The following ENTPD4 variants were observed in gnomAD, a reference collection of about 807,000 sequenced individuals.
The protein encoded by ENTPD4 is Golgi UDPase.
Under a neutral mutation model 79.1 loss-of-function variants are expected in ENTPD4, and 60 were observed. The ratio of observed to expected loss-of-function variants is 0.76; its 90% CI spans 0.62 to 0.94. The LOEUF is 0.94. Ranked by LOEUF, ENTPD4 falls within the 40% of genes least tolerant of loss-of-function variation. The pLI, the probability that ENTPD4 is intolerant of heterozygous loss-of-function variation, is 0.00. For synonymous variants in ENTPD4, 276 were observed against 292.0 expected (o/e 0.95, Z 0.56); for missense variants, 772 against 775.1 (o/e 1.00, Z 0.05).
intron 9 of ENTPD4, among the ~76,000 whole-genome samples, chr8:23,437,574 C>A (rs1006278520): frequency 1.6e-4 from 25 of 152,162 alleles, no homozygotes; most frequent in African/African-American, 5.3e-4. Context: ...AACTGTGTTA[C>A]CAGCCCCATT....
intron 6 of ENTPD4, among the ~76,000 whole-genome samples, chr8:23,442,681 C>CA (rs5890111): frequency 0.3 from 42,210 of 142,470 alleles, 6,191 homozygotes; most frequent in East Asian, 0.45. Context: ...GACTCCATCT[C>CA]AAAAAAAAAA....
Position 23,429,291 on chromosome 8 carries a change from A to G in ENTPD4, c.*3635T>C, listed in dbSNP as rs962510197. On this transcript the variant is annotated 3_prime_UTR_variant, in exon 13 of 13. Transcript: ENST00000358689. Reference sequence around the variant, plus strand: ...GTATTATTCTTACTTTGGATGGAAGACATCGCTTAAACAAAAAACATTTAA... The same window carrying G: ...GTATTATTCTTACTTTGGATGGAAGGCATCGCTTAAACAAAAAACATTTAA... 2.0e-6 allele frequency: 2 copies of G among 985,330 alleles called. No homozygotes were observed. Among genetic ancestry groups the G allele is most frequent in the Admixed American group, 1.2e-4 (2 of 16,274 alleles). The allele number at this position is 985,330 out of a possible 1,614,324, so 61.0% of individuals were successfully genotyped here. A position where few individuals can be genotyped will look rare whatever the true frequency, so the allele number is the denominator to read the frequency against.
intron 1 of ENTPD4, among the ~76,000 whole-genome samples, chr8:23,456,869 A>C (rs1800968090): frequency 6.6e-6 from 1 of 152,180 alleles, no homozygotes; most frequent in South Asian, 2.1e-4. Context: ...CCTCTAGTTT[A>C]CCTTCTAGCC....
chr8:23,449,062 G>C, intron 2 of ENTPD4, 123 bp from the exon 3 acceptor site: 3 of 706,704 alleles, frequency 4.2e-6, no homozygotes, highest in Non-Finnish European at 7.1e-6. Context: ...GTAGGTATCT[G>C]TATACTGGCA....
chr8:23,439,879 A>G lies in ENTPD4; in HGVS notation c.919T>C (p.Leu307=). The part of the protein sequence containing the change: ...VAKNLLAEFN[L]GCDVHQTEHV... ...TCAGTTTGGTGAACATCACATCCCA[A>G]GTTAAATTCAGCTAACAAGTTTTTA... is the stretch of plus-strand genomic sequence containing the variant. Residue 307 remains leucine (L), a synonymous_variant, in exon 9 of 13, where the codon TTG becomes CTG. Transcript: ENST00000358689. 2 of 1,614,148 alleles carry G rather than the reference A, an allele frequency of 1.2e-6. No homozygotes were observed. The highest frequency in any genetic ancestry group is 1.7e-6 in the Non-Finnish European group (2 of 1,179,976).
In ENTPD4 at chr8:23,429,455, ATAAC is replaced by A. The variant is rs1163531160; in HGVS notation, c.*3467_*3470del. The stretch of plus-strand genomic sequence containing the variant: ...CAAAAGAAACAAAACACTGAAATAA[ATAAC>A]TAAGTAATTTACTGAAAGGTAGTTT... On this transcript the variant is annotated 3_prime_UTR_variant, in exon 13 of 13. Coordinates refer to ENST00000358689, the MANE Select transcript of ENTPD4 (RefSeq NM_004901.5). 33 of 985,104 alleles carry A rather than the reference ATAAC, an allele frequency of 3.3e-5. No homozygotes were observed. The highest frequency in any genetic ancestry group is 1.2e-4 in the Admixed American group (2 of 16,276). 61.0% of individuals were successfully genotyped at this position (985,104 alleles called of 1,614,324 possible).
intron 1 of ENTPD4, among the ~76,000 whole-genome samples, chr8:23,450,928 A>T (rs890683119): frequency 4.0e-4 from 61 of 151,982 alleles, no homozygotes; most frequent in African/African-American, 1.5e-3. Flanking sequence ...CCGCAGTCCC[A>T]ATCTTGATCC....
rs1027662274 is a variant in ENTPD4 at position 23,430,432 on chromosome 8, A to G, written c.*2494T>C. The G allele has an allele frequency of 2.0e-6, 2 of 985,334 alleles. No individual in the cohort carries two copies. The highest frequency in any genetic ancestry group is 2.4e-6 in the Non-Finnish European group (2 of 829,944). 61.0% of individuals were successfully genotyped at this position (985,334 alleles called of 1,614,324 possible). ...CCATCTTTTCGTGCCCACAAATGGA[A>G]ACTACATTCCTGATTTAAGAGGATG... is the stretch of plus-strand genomic sequence containing the variant. On this transcript the variant is annotated 3_prime_UTR_variant, in exon 13 of 13. Coordinates refer to ENST00000358689, the MANE Select transcript of ENTPD4 (RefSeq NM_004901.5).
intron 8 of ENTPD4, among the ~76,000 whole-genome samples, chr8:23,440,640 T>C (rs1800652428): frequency 6.6e-6 from 1 of 152,214 alleles, no homozygotes; most frequent in Non-Finnish European, 1.5e-5. Flanking sequence ...AATACTTGAA[T>C]TTACAAAGCA....
At chr8:23,441,961 G>A in intron 7 of ENTPD4, 46 bp downstream of exon 7, 1 of 1,522,298 alleles carries the variant, frequency 6.6e-7, no homozygotes, top group Non-Finnish European at 9.1e-7. Context: ...AAACAGAAAA[G>A]CACCAATTTC....
At chr8:23,438,986 T>G (rs1800620750) in intron 9 of ENTPD4, among the ~76,000 whole-genome samples, 1 of 152,214 alleles carries the variant, frequency 6.6e-6, no homozygotes, top group Non-Finnish European at 1.5e-5. Flanking sequence ...CAAAATTGTT[T>G]CATCAAAATA....
At chr8:23,446,684 G>C (rs1800768487) in intron 4 of ENTPD4, among the ~76,000 whole-genome samples, 1 of 152,184 alleles carries the variant, frequency 6.6e-6, no homozygotes, top group South Asian at 2.1e-4. Flanking sequence ...AGGGCTGCCT[G>C]AAGGAGGAGG....
chr8:23,454,856 A>G (rs934155514), intron 1 of ENTPD4, among the ~76,000 whole-genome samples: 4 of 152,266 alleles, frequency 2.6e-5, no homozygotes, highest in Non-Finnish European at 4.4e-5. Context: ...CAAAAGTACA[A>G]TGGATTATTG....
At position 23,432,182 on chromosome 8, in the gene ENTPD4, C is replaced by A. The variant is rs1235248422; in HGVS notation, c.*744G>T. On this transcript the variant is annotated 3_prime_UTR_variant, in exon 13 of 13. Coordinates refer to ENST00000358689, the MANE Select transcript of ENTPD4 (RefSeq NM_004901.5). Reference sequence around the variant, plus strand: ...GAACAATAAATAAAAAAAAAAATCACCCTCTTCAGGTTAGAGCTTTCAAGA... The same window carrying A: ...GAACAATAAATAAAAAAAAAAATCAACCTCTTCAGGTTAGAGCTTTCAAGA... 3 of 983,226 alleles carry A rather than the reference C, an allele frequency of 3.1e-6. No individual in the cohort carries two copies. Among genetic ancestry groups the A allele is most frequent in the Non-Finnish European group, 3.6e-6 (3 of 828,228 alleles). 60.9% of individuals were successfully genotyped at this position (983,226 alleles called of 1,614,324 possible).
chr8:23,431,951 C>G lies in ENTPD4; in HGVS notation c.*975G>C. 1.0e-6 allele frequency: 1 copy of G among 985,396 alleles called. No individual in the cohort carries two copies. Among genetic ancestry groups the G allele is most frequent in the South Asian group, 4.7e-5 (1 of 21,284 alleles). The allele number at this position is 985,396 out of a possible 1,614,324, so 61.0% of individuals were successfully genotyped here. A position where few individuals can be genotyped will look rare whatever the true frequency, so the allele number is the denominator to read the frequency against. ...TCTAAATAAAATGTACCAGTAAATT[C>G]TGAAGTGTGTGTTTTTAAAGAACCA... On this transcript the variant is annotated 3_prime_UTR_variant, in exon 13 of 13. Transcript: ENST00000358689.
intron 8 of ENTPD4, among the ~76,000 whole-genome samples, chr8:23,440,674 A>T (rs1043656092): frequency 3.9e-5 from 6 of 152,240 alleles, no homozygotes; most frequent in Admixed American, 2.6e-4. Flanking sequence ...CTTAATAAAG[A>T]TGTCAGTAAC....
Position 23,430,840 on chromosome 8 carries a change from C to T in ENTPD4, c.*2086G>A. ...TCCATCGCCAGCTCCCTGCAGCCTCCACCAATAATCCATGGCTCCTCCAGG... is the reference window on the plus strand; with the variant it reads ...TCCATCGCCAGCTCCCTGCAGCCTCTACCAATAATCCATGGCTCCTCCAGG... On this transcript the variant is annotated 3_prime_UTR_variant, in exon 13 of 13. Transcript: ENST00000358689. 2.0e-6 allele frequency: 2 copies of T among 985,586 alleles called. No individual in the cohort carries two copies. The highest frequency in any genetic ancestry group is 2.4e-6 in the Non-Finnish European group (2 of 830,082). 61.1% of individuals were successfully genotyped at this position (985,586 alleles called of 1,614,324 possible). A position where few individuals can be genotyped will look rare whatever the true frequency, so the allele number is the denominator to read the frequency against.
At chr8:23,452,456 T>A (rs1014338483) in intron 1 of ENTPD4, among the ~76,000 whole-genome samples, 1 of 152,248 alleles carries the variant, frequency 6.6e-6, no homozygotes, top group African/African-American at 2.4e-5. Context: ...AGTCCGGTGC[T>A]GTCCAATGAG....
rs770060818 is a variant in ENTPD4, at chr8:23,447,893, A to G, written c.207-8T>C. On this transcript the variant is annotated splice_polypyrimidine_tract_variant and splice_region_variant and intron_variant, in intron 3 of 12. Coordinates refer to ENST00000358689, the MANE Select transcript of ENTPD4 (RefSeq NM_004901.5). ...GTAACTCGTGCCAGGTACCTTGTAT[A>G]GAAACACACGTATGCTTTGATTTAG... The G allele has an allele frequency of 1.9e-6, 3 of 1,610,812 alleles. No individual in the cohort carries two copies. Among genetic ancestry groups the G allele is most frequent in the Non-Finnish European group, 2.5e-6 (3 of 1,176,918 alleles).
Sources: allele counts gnomAD v4.1 joint callset (sites outside exome capture counted in the v4.1 genomes callset), GRCh38; gene constraint gnomAD v4.1.1; transcripts MANE v1.5; gene names NCBI Gene and HGNC (gene_info 2026-07-23, HGNC 2026-07-21).